Variants in CLIP4 observed in about 807,000 individuals in gnomAD.
CLIP4 encodes CAP-Gly domain containing linker protein family member 4.
CLIP4 carries 47 observed loss-of-function variants against 73.1 expected under a neutral mutation model. The observed-to-expected ratio is 0.64, with a 90% CI of 0.51 to 0.82. CLIP4 has a LOEUF of 0.82. Among genes scored for constraint, CLIP4 ranks in the 40% least tolerant of loss-of-function variants. The probability of loss-of-function intolerance (pLI) is 0.00; values close to 1 mark genes in which losing one functional copy is unlikely to be tolerated. For missense variants in CLIP4, 874 were observed against 852.9 expected, an observed-to-expected ratio of 1.02 and a Z score of -0.31; for synonymous variants, 306 against 295.4, an observed-to-expected ratio of 1.04 and a Z score of -0.37.
intron 13 of CLIP4, 41 bp from the exon 14 acceptor site, chr2:29,167,435 A>G (rs72790253): frequency 0.25 from 357,368 of 1,421,116 alleles, 48,164 homozygotes; most frequent in Non-Finnish European, 0.28. Context: ...AAACCTGAAG[A>G]CCAGCTACTT....
intron 6 of CLIP4, among the ~76,000 whole-genome samples, chr2:29,141,514 T>G (rs1346980423): frequency 6.6e-6 from 1 of 152,208 alleles, no homozygotes; most frequent in African/African-American, 2.4e-5. Flanking sequence ...CAGTGTTGGG[T>G]GTGTGTATAT....
chr2:29,128,571 TAAAG>T (rs1367945171), intron 2 of CLIP4, among the ~76,000 whole-genome samples: 1 of 152,128 alleles, frequency 6.6e-6, no homozygotes, highest in African/African-American at 2.4e-5. Context: ...ATTCAAAAGT[TAAAG>T]AAAAACCTTT....
In CLIP4 at chr2:29,181,925, T is replaced by C; in HGVS notation, c.*32T>C. 1 of 1,520,468 alleles carries C rather than the reference T, an allele frequency of 6.6e-7. No homozygotes were observed. Among genetic ancestry groups the C allele is most frequent in the Non-Finnish European group, 8.9e-7 (1 of 1,124,036 alleles). 94.2% of individuals were successfully genotyped at this position (1,520,468 alleles called of 1,614,324 possible). A position where few individuals can be genotyped will look rare whatever the true frequency, so the allele number is the denominator to read the frequency against. ...AAAATATTAAATAAGCTCAAATATA[T>C]ATATTTGGTGTAAATAAAGAGTCCA... On this transcript the variant is annotated 3_prime_UTR_variant, in exon 16 of 16. Coordinates refer to ENST00000320081, the MANE Select transcript of CLIP4 (RefSeq NM_024692.6).
chr2:29,179,848 T>G (rs1668547669), intron 15 of CLIP4, among the ~76,000 whole-genome samples: 1 of 152,230 alleles, frequency 6.6e-6, no homozygotes, highest in Non-Finnish European at 1.5e-5. Flanking sequence ...TATTATTGTA[T>G]TTGTGCATTT....
chr2:29,143,563 T>C (rs763251712), intron 6 of CLIP4, 146 bp from the exon 7 acceptor site: 4 of 635,146 alleles, frequency 6.3e-6, no homozygotes, highest in Non-Finnish European at 1.1e-5. Context: ...TAGAATGGTG[T>C]CTGCATATTG....
At chr2:29,165,772 A>G (rs1282760036) in intron 13 of CLIP4, among the ~76,000 whole-genome samples, 3 of 152,194 alleles carry the variant, frequency 2.0e-5, no homozygotes, top group Non-Finnish European at 2.9e-5. Flanking sequence ...CACGGTAAAT[A>G]TTGATCCAAT....
At chr2:29,178,146 C>T (rs2015219) in intron 15 of CLIP4, among the ~76,000 whole-genome samples, 80,055 of 151,796 alleles carry the variant, frequency 0.53, 22,123 homozygotes, top group African/African-American at 0.62. Flanking sequence ...ATTTGGTATA[C>T]ACTTTTCCAA....
chr2:29,174,585 A>G, intron 15 of CLIP4, 140 bp downstream of exon 15: 4 of 1,387,014 alleles, frequency 2.9e-6, no homozygotes, highest in Non-Finnish European at 3.7e-6. Context: ...TGATAAGTGT[A>G]TTGAGAAGCG....
Position 29,121,527 on chromosome 2 carries a change from T to C in CLIP4, c.133+6T>C. ...ACCAATGCCTTCAGACTGTGGTATG[T>C]GAAGTAGCTGTGCTTATTTTCTGTG... is the stretch of plus-strand genomic sequence containing the variant. On this transcript the variant is annotated splice_donor_region_variant and intron_variant, in intron 2 of 15. Transcript: ENST00000320081. 1.2e-6 allele frequency: 2 copies of C among 1,612,562 alleles called. No individual in the cohort carries two copies. Among genetic ancestry groups the C allele is most frequent in the Non-Finnish European group, 1.7e-6 (2 of 1,179,628 alleles).
At chr2:29,131,644 T>C (rs1368705370) in intron 3 of CLIP4, 2 of 328,086 alleles carry the variant, frequency 6.1e-6, no homozygotes, top group Non-Finnish European at 1.1e-5. Context: ...ATTTTTCATA[T>C]TTCCTTCTTT....
upstream of CLIP4, among the ~76,000 whole-genome samples, chr2:29,112,217 ATTGAC>A (rs1182767902): frequency 2.0e-5 from 3 of 152,172 alleles, no homozygotes; most frequent in African/African-American, 7.2e-5. Flanking sequence ...GGTTTTTATA[ATTGAC>A]TTAACTGTTT....
At chr2:29,109,479 A>G (rs1413719787) in intron 1 of CLIP4, among the ~76,000 whole-genome samples, 2 of 152,254 alleles carry the variant, frequency 1.3e-5, no homozygotes, top group African/African-American at 4.8e-5. Context: ...TAGCACATCC[A>G]TCATCTCAAA....
At chr2:29,100,183 G>A (rs565631032) in intron 1 of CLIP4, among the ~76,000 whole-genome samples, 1 of 152,106 alleles carries the variant, frequency 6.6e-6, no homozygotes, top group South Asian at 2.1e-4. Flanking sequence ...GCCCACCGTG[G>A]CCTCCCAAAA....
intron 2 of CLIP4, chr2:29,130,484 G>T (rs944220081): frequency 4.5e-5 from 13 of 286,548 alleles, no homozygotes; most frequent in African/African-American, 2.9e-4. Flanking sequence ...TGCTGACCAA[G>T]AAATGAAGTT....
At chr2:29,148,716 G>T (rs1392252242) in intron 8 of CLIP4, among the ~76,000 whole-genome samples, 2 of 152,174 alleles carry the variant, frequency 1.3e-5, no homozygotes, top group Non-Finnish European at 1.5e-5. Context: ...AAGACATCTA[G>T]TGAGTTTGTA....
intron 8 of CLIP4, among the ~76,000 whole-genome samples, chr2:29,152,355 A>G (rs899673959): frequency 6.6e-6 from 1 of 151,356 alleles, no homozygotes. Flanking sequence ...TTCAAATACA[A>G]TACAGACATT....
chr2:29,166,402 C>T (rs2148072194), intron 13 of CLIP4, among the ~76,000 whole-genome samples: 1 of 151,976 alleles, frequency 6.6e-6, no homozygotes, highest in African/African-American at 2.4e-5. Flanking sequence ...TGGCTTTCTA[C>T]ACCCGCCTAC....
chr2:29,130,127 C>T (rs1323477008), intron 2 of CLIP4: 1 of 465,438 alleles, frequency 2.1e-6, no homozygotes, highest in Non-Finnish European at 4.5e-6. Context: ...AAGAGACTTA[C>T]TCTAGAACTC....
rs531052212 is a variant in CLIP4, at chr2:29,171,658, A to G, written c.1724-2715A>G. On this transcript the variant is annotated intron_variant, in intron 14 of 15. Transcript: ENST00000320081. ...CTCAGCCTCCCGAGTAGCTGGGACTACAGGCACCCACCACCACGCCCGGCT... is the reference window on the plus strand; with the variant it reads ...CTCAGCCTCCCGAGTAGCTGGGACTGCAGGCACCCACCACCACGCCCGGCT... Among the ~76,000 whole-genome samples, 6 of 151,978 alleles carry G rather than the reference A, an allele frequency of 3.9e-5. No individual in the cohort carries two copies. The South Asian group carries it at 1.2e-3, about 32-fold the overall frequency.
Sources: allele counts gnomAD v4.1 joint callset (sites outside exome capture counted in the v4.1 genomes callset), GRCh38; gene constraint gnomAD v4.1.1; transcripts MANE v1.5; gene names NCBI Gene and HGNC (gene_info 2026-07-23, HGNC 2026-07-21).